COL4A4: variants seen among roughly 807,000 people sequenced by gnomAD.
COL4A4 encodes the protein collagen type IV alpha 4 chain.
COL4A4 carries 105 observed loss-of-function variants against 192.9 expected under a neutral mutation model. The observed-to-expected ratio is 0.54, with a 90% CI of 0.46 to 0.64. The LOEUF (loss-of-function observed/expected upper bound fraction) is 0.64. Among genes scored for constraint, COL4A4 ranks in the 30% least tolerant of loss-of-function variants. COL4A4 has a pLI of 0.00. For missense variants in COL4A4, 1,967 were observed against 2,169.3 expected (o/e 0.91, Z 1.85); for synonymous variants, 762 against 769.9 (o/e 0.99, Z 0.17).
rs2061385045 is a variant in COL4A4 at position 227,114,533 on chromosome 2, A to T, written c.558+95T>A. The stretch of plus-strand genomic sequence containing the variant: ...ATGATAAAAATTGGTGTATTCAGGG[A>T]CATTTTGAAGAAAAATCCTGTCTGA... On this transcript the variant is annotated intron_variant, in intron 8 of 47. Transcript: ENST00000396625. The T allele has an allele frequency of 3.1e-6, 3 of 982,628 alleles. No individual in the cohort carries two copies. In the African/African-American group the frequency reaches 4.8e-5, roughly 16 times the overall value. 60.9% of individuals were successfully genotyped at this position (982,628 alleles called of 1,614,324 possible).
intron 29 of COL4A4, among the ~76,000 whole-genome samples, chr2:227,057,223 C>T (rs56344617): frequency 6.6e-6 from 1 of 152,166 alleles, no homozygotes. Flanking sequence ...ATGCAACCCA[C>T]TGTGTGTGTG....
Position 227,032,264 on chromosome 2 carries a change from A to G in COL4A4, c.3590T>C (p.Val1197Ala), listed in dbSNP as rs946572297. The change falls in exon 39 of 48, where the codon GTG (valine) becomes GCG (alanine). Residue 1197 changes from valine to alanine, a missense_variant. By Grantham distance (64) the Val-to-Ala change is moderately conservative. Transcript: ENST00000396625. ...TATTCCCACTGGACCAGGTGGCCCC[A>G]CATCATGCAAACCTTAATGGGGAAA... ...GTKGASGLHD[V>A]GPPGPVGIPG... 39 of 1,613,646 alleles carry G rather than the reference A, an allele frequency of 2.4e-5. No homozygotes were observed. The highest frequency in any genetic ancestry group is 3.3e-5 in the Non-Finnish European group (39 of 1,179,738).
chr2:227,067,750 C>T (rs2058438956), intron 25 of COL4A4, among the ~76,000 whole-genome samples: 1 of 151,838 alleles, frequency 6.6e-6, no homozygotes, highest in South Asian at 2.1e-4. Context: ...CACTAAATGC[C>T]CTCAAGAGAA....
At position 227,094,252 on chromosome 2, in the gene COL4A4, A is replaced by G; in HGVS notation, c.1242T>C (p.Gly414=). 6.2e-7 allele frequency: 1 copy of G among 1,613,932 alleles called. No individual in the cohort carries two copies. The highest frequency in any genetic ancestry group is 8.5e-7 in the Non-Finnish European group (1 of 1,179,950). The part of the protein sequence containing the change: ...IGPPGPQGFP[G]LPGLPGEAGI... ...CAGCTTCTCCTGGAAGCCCAGGAAG[A>G]CCAGGAAATCCTTGTGGCCCAGGGG... Residue 414 remains glycine, a synonymous_variant, in exon 20 of 48, where the codon GGT becomes GGC. Coordinates refer to ENST00000396625, the MANE Select transcript of COL4A4 (RefSeq NM_000092.5).
chr2:227,116,418 G>A (rs2061495894), intron 7 of COL4A4, among the ~76,000 whole-genome samples: 1 of 152,194 alleles, frequency 6.6e-6, no homozygotes, highest in Non-Finnish European at 1.5e-5. Flanking sequence ...GTCTGTCTGT[G>A]ATTGGCCCCT....
intron 37 of COL4A4, among the ~76,000 whole-genome samples, chr2:227,037,219 A>G (rs1401636881): frequency 6.6e-6 from 1 of 152,126 alleles, no homozygotes; most frequent in Non-Finnish European, 1.5e-5. Flanking sequence ...ATTTCTCCTA[A>G]TGCTATCCCT....
intron 26 of COL4A4, among the ~76,000 whole-genome samples, chr2:227,061,300 G>A (rs1559526044): frequency 6.6e-6 from 1 of 152,204 alleles, no homozygotes; most frequent in Non-Finnish European, 1.5e-5. Context: ...GCCTTGTGGT[G>A]GGCGGAGTGT....
At chr2:227,111,754 T>C (rs1206835490) in intron 8 of COL4A4, 41 bp from the exon 9 acceptor site, 1 of 1,590,020 alleles carries the variant, frequency 6.3e-7, no homozygotes, top group African/African-American at 1.3e-5. Flanking sequence ...CCACACAATG[T>C]TCCTAAAACA....
chr2:227,104,074 ATG>A, intron 12 of COL4A4, 22 bp from the exon 13 acceptor site: 1 of 1,599,714 alleles, frequency 6.3e-7, no homozygotes, highest in Non-Finnish European at 8.6e-7. Flanking sequence ...AAGCAAGATA[ATG>A]AAAATTTCAT....
At chr2:227,108,652 G>T in intron 11 of COL4A4, 30 bp from the exon 12 acceptor site, 2 of 1,612,224 alleles carry the variant, frequency 1.2e-6, no homozygotes, top group Non-Finnish European at 8.5e-7. Context: ...GAATCTAATT[G>T]CTTTTGAATT....
At chr2:227,084,626 C>T (rs2059489164) in intron 22 of COL4A4, among the ~76,000 whole-genome samples, 1 of 152,184 alleles carries the variant, frequency 6.6e-6, no homozygotes, top group Admixed American at 6.5e-5. Flanking sequence ...AAAACCATTA[C>T]TGTAGTTTTC....
chr2:227,147,848 TA>T (rs1362920665), intron 1 of COL4A4, among the ~76,000 whole-genome samples: 1 of 148,638 alleles, frequency 6.7e-6, no homozygotes, highest in Non-Finnish European at 1.5e-5. Flanking sequence ...TTTTTAAATA[TA>T]AAATATATTT....
At chr2:227,079,488 C>T (rs774928486) in intron 24 of COL4A4, among the ~76,000 whole-genome samples, 1 of 152,154 alleles carries the variant, frequency 6.6e-6, no homozygotes, top group African/African-American at 2.4e-5. Context: ...AAGCTATAAA[C>T]ACCATCTAAG....
the COL4A4 span, among the ~76,000 whole-genome samples, chr2:226,977,385 T>A: frequency 6.6e-6 from 1 of 152,192 alleles, no homozygotes; most frequent in African/African-American, 2.4e-5. Context: ...CGGCTGGAAT[T>A]CATGAGAATG....
chr2:227,100,948 G>A (rs775332429), intron 17 of COL4A4, among the ~76,000 whole-genome samples: 3 of 151,992 alleles, frequency 2.0e-5, no homozygotes, highest in Non-Finnish European at 4.4e-5. Context: ...GGGACTACAG[G>A]CGCCCACCAC....
the COL4A4 span, among the ~76,000 whole-genome samples, chr2:226,991,679 C>T: frequency 6.6e-6 from 1 of 152,288 alleles, no homozygotes; most frequent in African/African-American, 2.4e-5. Context: ...AGGAGCTACT[C>T]AGTATTCCCA....
chr2:227,026,391 C>T (rs368878741), intron 42 of COL4A4, among the ~76,000 whole-genome samples: 2 of 151,364 alleles, frequency 1.3e-5, no homozygotes, highest in Non-Finnish European at 2.9e-5. Flanking sequence ...CCAGCTACTC[C>T]GGAGGCTGAG....
At chr2:226,970,218 C>T in the COL4A4 span, among the ~76,000 whole-genome samples, 25 of 151,922 alleles carry the variant, frequency 1.6e-4, no homozygotes, top group African/African-American at 6.0e-4. Flanking sequence ...CTTTTACCTA[C>T]TATTGTTGCT....
At chr2:227,041,848 G>GAGAGAGAAAGAA (rs1971305412) in intron 37 of COL4A4, among the ~76,000 whole-genome samples, 1 of 38,692 alleles carries the variant, frequency 2.6e-5, no homozygotes, top group Admixed American at 2.9e-4. Flanking sequence ...AAGAAAGAAA[G>GAGAGAGAAAGAA]AGAAAGAAAG....
Sources: gnomAD v4.1 joint callset for allele counts (sites outside exome capture counted in the v4.1 genomes callset) on GRCh38, gnomAD v4.1.1 for gene constraint, MANE v1.5 for transcripts, NCBI Gene and HGNC (gene_info 2026-07-23, HGNC 2026-07-21) for gene names.